The following KAZN variants were observed in gnomAD, a reference collection of about 807,000 sequenced individuals.
KAZN encodes kazrin.
Under a neutral mutation model 87.4 loss-of-function variants are expected in KAZN, and 40 were observed. The ratio of observed to expected loss-of-function variants is 0.46; its 90% CI spans 0.36 to 0.60. KAZN has a LOEUF of 0.60. Ranked by LOEUF, KAZN falls within the 20% of genes least tolerant of loss-of-function variation. The probability of loss-of-function intolerance (pLI) is 0.00; values close to 1 mark genes in which losing one functional copy is unlikely to be tolerated. For synonymous variants in KAZN, 466 were observed against 458.3 expected, an observed-to-expected ratio of 1.02 and a Z score of -0.22; for missense variants, 898 against 1,073.9, an observed-to-expected ratio of 0.84 and a Z score of 2.29.
chr1:14,871,759 A>C (rs138888919), intron 1 of KAZN, among the ~76,000 whole-genome samples: 2 of 152,080 alleles, frequency 1.3e-5, no homozygotes, highest in African/African-American at 4.8e-5. Flanking sequence ...CTGAAGGCAT[A>C]GTATCCTGAT....
chr1:15,101,283 T>C (rs1201085371), intron 10 of KAZN, among the ~76,000 whole-genome samples: 1 of 151,686 alleles, frequency 6.6e-6, no homozygotes, highest in African/African-American at 2.4e-5. Context: ...TGTTCTCTCT[T>C]TCTGTGTCCC....
At chr1:14,462,384 C>T (rs1432059460) in intron 2 of KAZN, among the ~76,000 whole-genome samples, 2 of 152,110 alleles carry the variant, frequency 1.3e-5, no homozygotes, top group African/African-American at 4.8e-5. Context: ...TGTTCACCAA[C>T]TGCTGTTCCA....
chr1:14,745,990 A>G (rs990686476), intron 1 of KAZN, among the ~76,000 whole-genome samples: 1 of 152,206 alleles, frequency 6.6e-6, no homozygotes, highest in Non-Finnish European at 1.5e-5. Flanking sequence ...ATGACTCAGC[A>G]GAAATAAAAT....
chr1:15,060,352 T>G, intron 6 of KAZN, 50 bp downstream of exon 6: 1 of 1,604,106 alleles, frequency 6.2e-7, no homozygotes, highest in Non-Finnish European at 8.5e-7. Flanking sequence ...GCCCAGAAAC[T>G]GCAGGGGCGG....
intron 2 of KAZN, among the ~76,000 whole-genome samples, chr1:14,430,330 A>G (rs1403215343): frequency 6.6e-6 from 1 of 152,054 alleles, no homozygotes; most frequent in African/African-American, 2.4e-5. Flanking sequence ...GAGCCCTGCT[A>G]GATGAGAAGT....
intron 1 of KAZN, among the ~76,000 whole-genome samples, chr1:14,653,635 C>G (rs958844611): frequency 6.6e-6 from 1 of 152,192 alleles, no homozygotes; most frequent in South Asian, 2.1e-4. Flanking sequence ...AAAACACACC[C>G]GTAGGCCACA....
At chr1:14,915,287 GATTA>G (rs1657688945) in intron 1 of KAZN, among the ~76,000 whole-genome samples, 1 of 152,310 alleles carries the variant, frequency 6.6e-6, no homozygotes, top group East Asian at 1.9e-4. Flanking sequence ...TCTGTGCATT[GATTA>G]ATTAAATGGT....
intron 8 of KAZN, among the ~76,000 whole-genome samples, chr1:15,091,121 C>T (rs1004949506): frequency 6.6e-6 from 1 of 152,228 alleles, no homozygotes; most frequent in Middle Eastern, 3.4e-3. Flanking sequence ...CACACTCACA[C>T]GGGCACATTC....
intron 1 of KAZN, among the ~76,000 whole-genome samples, chr1:14,096,046 T>A (rs560874930): frequency 2.0e-5 from 3 of 152,194 alleles, no homozygotes; most frequent in Non-Finnish European, 4.4e-5. Flanking sequence ...GGTAGAATAG[T>A]AGCAATTTCA....
intron 2 of KAZN, among the ~76,000 whole-genome samples, chr1:14,993,543 G>C (rs1667560328): frequency 6.6e-6 from 1 of 151,866 alleles, no homozygotes; most frequent in South Asian, 2.1e-4. Flanking sequence ...ATTCTACCAA[G>C]AGTCTGCAGA....
chr1:14,307,959 C>T (rs1261963863), intron 2 of KAZN, among the ~76,000 whole-genome samples: 1 of 152,172 alleles, frequency 6.6e-6, no homozygotes, highest in South Asian at 2.1e-4. Flanking sequence ...TACTGTGATG[C>T]GCTGAGGATA....
chr1:15,090,571 G>A (rs1640487687), intron 8 of KAZN, among the ~76,000 whole-genome samples: 1 of 152,250 alleles, frequency 6.6e-6, no homozygotes, highest in South Asian at 2.1e-4. Flanking sequence ...GGCTGCAGAG[G>A]CAGCTGCTGC....
intron 1 of KAZN, among the ~76,000 whole-genome samples, chr1:14,156,457 G>C (rs947980373): frequency 2.0e-5 from 3 of 152,120 alleles, no homozygotes; most frequent in South Asian, 2.1e-4. Context: ...AGCTATTATT[G>C]TATTGGAGTC....
upstream of KAZN, among the ~76,000 whole-genome samples, chr1:14,597,531 TA>T (rs1208946503): frequency 6.6e-6 from 1 of 152,158 alleles, no homozygotes; most frequent in Non-Finnish European, 1.5e-5. Context: ...AAAATGGGAA[TA>T]ATAATCCTCA....
At chr1:13,962,312 G>C (rs1234840960) in intron 1 of KAZN, among the ~76,000 whole-genome samples, 1 of 152,048 alleles carries the variant, frequency 6.6e-6, no homozygotes, top group East Asian at 1.9e-4. Context: ...CTCACAAGGG[G>C]CCTTAACAAT....
At chr1:14,309,493 G>C (rs577366814) in intron 2 of KAZN, among the ~76,000 whole-genome samples, 13 of 152,302 alleles carry the variant, frequency 8.5e-5, no homozygotes, top group Admixed American at 3.3e-4. Context: ...CAGGGGCCTT[G>C]GAGGCCACAG....
chr1:14,837,835 G>A (rs770287624), intron 1 of KAZN, among the ~76,000 whole-genome samples: 11 of 152,066 alleles, frequency 7.2e-5, no homozygotes, highest in Admixed American at 3.9e-4. Flanking sequence ...GATTACAGGC[G>A]TGAGCCATGG....
At position 13,894,698 on chromosome 1, in the gene KAZN, T is replaced by C. The variant is rs150455130; in HGVS notation, c.91+942T>C. Among the ~76,000 whole-genome samples the C allele has an allele frequency of 4.3e-4, 65 of 152,286 alleles. 1 individual carries two copies. In the East Asian group the frequency reaches 0.012, roughly 28 times the overall value. On this transcript the variant is annotated intron_variant, in intron 1 of 16. Coordinates refer to the KAZN transcript ENST00000636203. The stretch of plus-strand genomic sequence containing the variant: ...AGTCAGTGTTGATGCTTTCATTGGG[T>C]AGTTGCATGACCTTGGAAATTGCAG...
intron 1 of KAZN, among the ~76,000 whole-genome samples, chr1:14,119,565 A>G (rs905922568): frequency 2.4e-4 from 37 of 152,098 alleles, no homozygotes; most frequent in African/African-American, 8.5e-4. Flanking sequence ...ATCTTAGACC[A>G]CCATAAACTC....
Sources: gnomAD v4.1 joint callset for allele counts (sites outside exome capture counted in the v4.1 genomes callset) on GRCh38, gnomAD v4.1.1 for gene constraint, MANE v1.5 for transcripts, NCBI Gene and HGNC (gene_info 2026-07-23, HGNC 2026-07-21) for gene names.